SSH2: variants seen among roughly 807,000 people sequenced by gnomAD.
The protein encoded by SSH2 is protein phosphatase Slingshot homolog 2.
In SSH2, 37 loss-of-function variants were observed where a neutral mutation model predicts 135.2. That is an observed-to-expected ratio of 0.27 (90% CI 0.21 to 0.36). The LOEUF (loss-of-function observed/expected upper bound fraction) is 0.36. SSH2 is among the 10% of genes least tolerant of loss of function. The probability of loss-of-function intolerance (pLI) is 1.00; values close to 1 mark genes in which losing one functional copy is unlikely to be tolerated. For missense variants in SSH2, 1,408 were observed against 1,765.3 expected, an observed-to-expected ratio of 0.80 and a Z score of 3.63; for synonymous variants, 628 against 646.2, an observed-to-expected ratio of 0.97 and a Z score of 0.43.
chr17:29,657,942 T>C (rs1158880192), intron 11 of SSH2, among the ~76,000 whole-genome samples: 1 of 151,858 alleles, frequency 6.6e-6, no homozygotes, highest in Non-Finnish European at 1.5e-5. Flanking sequence ...TTTCATAATA[T>C]TGACATATCG....
chr17:29,863,400 G>A (rs1471238552), intron 1 of SSH2: 1 of 152,204 alleles, frequency 6.6e-6, no homozygotes, highest in African/African-American at 2.4e-5. Flanking sequence ...GCCCAGAACA[G>A]TCATACATCT....
chr17:29,746,059 G>A (rs2040749562), intron 3 of SSH2, among the ~76,000 whole-genome samples: 2 of 152,158 alleles, frequency 1.3e-5, no homozygotes, highest in South Asian at 4.1e-4. Context: ...TTTTATTGAG[G>A]AGGGAAGGGC....
chr17:29,786,284 C>T (rs972675680), intron 3 of SSH2, among the ~76,000 whole-genome samples: 3 of 152,176 alleles, frequency 2.0e-5, no homozygotes, highest in African/African-American at 4.8e-5. Context: ...AAACTCCAGC[C>T]AGCCTGCATA....
intron 2 of SSH2, among the ~76,000 whole-genome samples, chr17:29,839,373 C>A (rs553523614): frequency 7.9e-5 from 12 of 152,310 alleles, no homozygotes; most frequent in African/African-American, 2.9e-4. Context: ...GGCAAAGGCG[C>A]CATTGGCCAC....
intron 1 of SSH2, among the ~76,000 whole-genome samples, chr17:29,929,545 A>G (rs140336943): frequency 6.6e-6 from 1 of 152,228 alleles, no homozygotes; most frequent in African/African-American, 2.4e-5. Context: ...TGGTGTGGGT[A>G]AGAGATGTGG....
chr17:29,648,058 C>T (rs1386012865), intron 14 of SSH2, 86 bp downstream of exon 14: 1 of 1,249,630 alleles, frequency 8.0e-7, no homozygotes, highest in Non-Finnish European at 1.2e-6. Context: ...TCCAAATCAG[C>T]TTGAGAAGTA....
chr17:29,750,457 T>A (rs2040897305), intron 3 of SSH2, among the ~76,000 whole-genome samples: 1 of 151,584 alleles, frequency 6.6e-6, no homozygotes, highest in Non-Finnish European at 1.5e-5. Flanking sequence ...AAAAAAATTT[T>A]TTTTTAAATA....
At chr17:29,928,790 A>G (rs1356669824) in intron 1 of SSH2, among the ~76,000 whole-genome samples, 1 of 136,274 alleles carries the variant, frequency 7.3e-6, no homozygotes, top group Non-Finnish European at 1.6e-5. Context: ...GTTAACATAC[A>G]AATATTAAGG....
At chr17:29,660,385 G>A (rs959396608) in intron 11 of SSH2, among the ~76,000 whole-genome samples, 3 of 151,486 alleles carry the variant, frequency 2.0e-5, no homozygotes, top group Non-Finnish European at 4.4e-5. Flanking sequence ...TCCTGCCTCA[G>A]CCTCCCGAGT....
At chr17:29,719,086 A>G (rs1267284702) in intron 3 of SSH2, among the ~76,000 whole-genome samples, 1 of 152,180 alleles carries the variant, frequency 6.6e-6, no homozygotes, top group Admixed American at 6.5e-5. Context: ...AACAACCACT[A>G]TGGACCACCC....
intron 2 of SSH2, among the ~76,000 whole-genome samples, chr17:29,818,818 AG>A (rs2042604218): frequency 6.6e-6 from 1 of 152,046 alleles, no homozygotes; most frequent in South Asian, 2.1e-4. Flanking sequence ...AATCAATAAA[AG>A]GCACCAGCTG....
At chr17:29,674,049 T>C (rs1039276275) in intron 8 of SSH2, 6 of 456,396 alleles carry the variant, frequency 1.3e-5, no homozygotes, top group Non-Finnish European at 2.6e-5. Context: ...AGGACAAAGA[T>C]CATGCAAAAT....
chr17:29,731,141 T>C (rs2040175821), intron 3 of SSH2, among the ~76,000 whole-genome samples: 1 of 152,200 alleles, frequency 6.6e-6, no homozygotes, highest in Non-Finnish European at 1.5e-5. Context: ...TCACATGAGA[T>C]AAGGGTAGTA....
At chr17:29,744,558 G>C (rs946428022) in intron 3 of SSH2, among the ~76,000 whole-genome samples, 4 of 152,096 alleles carry the variant, frequency 2.6e-5, no homozygotes, top group African/African-American at 9.7e-5. Context: ...ATATCCACTA[G>C]GGTGATTTTC....
chr17:29,682,539 A>T (rs1457874438), intron 6 of SSH2, among the ~76,000 whole-genome samples: 1 of 152,132 alleles, frequency 6.6e-6, no homozygotes, highest in East Asian at 1.9e-4. Flanking sequence ...TAATCCCAGC[A>T]CTCAGGAAGG....
At chr17:29,692,177 A>G (rs910969737) in intron 5 of SSH2, among the ~76,000 whole-genome samples, 1 of 151,918 alleles carries the variant, frequency 6.6e-6, no homozygotes, top group Non-Finnish European at 1.5e-5. Context: ...AAAAAAAAAA[A>G]AACAAGACTT....
At chr17:29,756,778 C>T (rs1473712356) in intron 3 of SSH2, among the ~76,000 whole-genome samples, 2 of 152,040 alleles carry the variant, frequency 1.3e-5, no homozygotes, top group Admixed American at 1.3e-4. Context: ...CCTCAGCCTC[C>T]GGAGTAGCTG....
intron 6 of SSH2, 80 bp from the exon 7 acceptor site, chr17:29,677,821 C>T: frequency 9.3e-7 from 1 of 1,077,062 alleles, no homozygotes; most frequent in South Asian, 1.3e-5. Context: ...CTTTCAACAC[C>T]AAGGATAAAC....
At chr17:29,893,859 T>G (rs1301642628) in intron 1 of SSH2, among the ~76,000 whole-genome samples, 1 of 152,152 alleles carries the variant, frequency 6.6e-6, no homozygotes, top group Non-Finnish European at 1.5e-5. Flanking sequence ...TTTAAAGAAC[T>G]ATCTTAAATA....
Sources: allele counts gnomAD v4.1 joint callset (sites outside exome capture counted in the v4.1 genomes callset), GRCh38; gene constraint gnomAD v4.1.1; transcripts MANE v1.5; gene names NCBI Gene and HGNC (gene_info 2026-07-23, HGNC 2026-07-21).